FRMPD3: variants seen among roughly 807,000 people sequenced by gnomAD.
FRMPD3 encodes FERM and PDZ domain containing 3, also known as FERM and PDZ domain-containing protein 3.
FRMPD3 carries 42 observed loss-of-function variants against 97.9 expected under a neutral mutation model. The ratio of observed to expected loss-of-function variants is 0.43; its 90% CI spans 0.34 to 0.55. The LOEUF is 0.55. FRMPD3 is among the 20% of genes least tolerant of loss of function. The pLI is 0.03. For synonymous variants in FRMPD3, 577 were observed against 581.1 expected (o/e 0.99, Z 0.10); for missense variants, 1,303 against 1,457.7 (o/e 0.89, Z 1.73).
intron 4 of FRMPD3, among the ~76,000 whole-genome samples, chrX:107,534,415 G>A (rs1923126947): frequency 9.0e-6 from 1 of 110,653 alleles, no homozygotes; most frequent in South Asian, 3.9e-4. Context: ...AGCCACAGGA[G>A]AGATCACATC....
chrX:107,602,483 C>T lies in FRMPD3; in HGVS notation c.4444C>T (p.Leu1482=), dbSNP rs376108129. 5.0e-6 allele frequency: 6 copies of T among 1,211,465 alleles called. No homozygotes were observed. The highest frequency in any genetic ancestry group is 5.6e-6 in the Non-Finnish European group (5 of 895,463). ...GGAGGTGTACCGGAAGCCTGCCGAG[C>T]TAGACGAGGACAGTGAGAGCAGCAA... The part of the protein sequence containing the change: ...PEEVYRKPAE[L]DEDSESSKCC... The change falls in exon 15 of 15, where the codon CTA becomes TTA. Residue 1482 remains leucine, a synonymous_variant. Transcript: ENST00000683843.
At chrX:107,553,157 G>A (rs1921936632) in intron 7 of FRMPD3, among the ~76,000 whole-genome samples, 1 of 110,016 alleles carries the variant, frequency 9.1e-6, no homozygotes, top group African/African-American at 3.3e-5. Context: ...AGAGTATGGG[G>A]TGATTCACCA....
chrX:107,474,862 G>A (rs1464947388), intron 1 of FRMPD3, among the ~76,000 whole-genome samples: 1 of 112,328 alleles, frequency 8.9e-6, no homozygotes, highest in Non-Finnish European at 1.9e-5. Context: ...CTCAAAGGCT[G>A]CAATAGATTA....
rs1188420152 is a variant in FRMPD3, at chrX:107,605,218, A to C, written c.*1845A>C. 1 of 111,132 alleles carries C rather than the reference A, an allele frequency of 9.0e-6. No individual in the cohort carries two copies. Among genetic ancestry groups the C allele is most frequent in the East Asian group, 2.8e-4 (1 of 3,588 alleles). 9.2% of individuals were successfully genotyped at this position (111,132 alleles called of 1,213,427 possible). A position where few individuals can be genotyped will look rare whatever the true frequency, so the allele number is the denominator to read the frequency against. On this transcript the variant is annotated 3_prime_UTR_variant, in exon 15 of 15. Transcript: ENST00000683843. The stretch of plus-strand genomic sequence containing the variant: ...TAATTTATGTCTTGTTTTTCAAACA[A>C]GAATGATTAAATCTATTCATCTTAC...
intron 4 of FRMPD3, chrX:107,544,812 G>A (rs907785590): frequency 3.6e-5 from 4 of 111,523 alleles, no homozygotes; most frequent in African/African-American, 1.3e-4. Context: ...AGCCAGCCAG[G>A]CATGGTGGCC....
chrX:107,589,062 G>A (rs948882628), intron 13 of FRMPD3, among the ~76,000 whole-genome samples: 6 of 110,139 alleles, frequency 5.4e-5, no homozygotes, highest in Admixed American at 9.7e-5. Context: ...CCTATCTTCC[G>A]AAGCCTACTT....
intron 1 of FRMPD3, among the ~76,000 whole-genome samples, chrX:107,470,981 T>G (rs1921041350): frequency 8.9e-6 from 1 of 112,201 alleles, no homozygotes; most frequent in South Asian, 3.7e-4. Context: ...GTGTAGAGTA[T>G]CACCTGCCTT....
At chrX:107,565,295 A>C (rs1190603027) in intron 12 of FRMPD3, among the ~76,000 whole-genome samples, 1 of 112,140 alleles carries the variant, frequency 8.9e-6, no homozygotes, top group Non-Finnish European at 1.9e-5. Flanking sequence ...ATGGAGAGTC[A>C]GATCAGCCTG....
intron 4 of FRMPD3, among the ~76,000 whole-genome samples, chrX:107,541,719 T>G (rs1466547128): frequency 9.0e-6 from 1 of 111,547 alleles, no homozygotes; most frequent in African/African-American, 3.3e-5. Context: ...TTGGGGTTCT[T>G]CATTTGTTTG....
rs745830389 is a variant in FRMPD3 at position 107,530,469 on chromosome X, A to T, written c.209A>T (p.Asp70Val). ...CAGATTGTGGCTATTAATGAGGAAG[A>T]CGTGAGTGAAGCCCCGAGGGAGAGA... ...GDQIVAINEE[D>V]VSEAPRERLI... The change falls in exon 3 of 15, where the codon GAC becomes GTC. Residue 70 changes from aspartate to valine, a missense_variant. Physicochemically the swap from Asp to Val is radical, Grantham distance 152. Transcript: ENST00000683843. The T allele has an allele frequency of 1.6e-5, 19 of 1,195,109 alleles. No homozygotes were observed. The Admixed American group carries it at 3.4e-4, about 21-fold the overall frequency.
In FRMPD3 at chrX:107,480,053, C is replaced by A. The variant is rs578223870; in HGVS notation, c.-8+30048C>A. On this transcript the variant is annotated intron_variant, in intron 1 of 14. Coordinates refer to ENST00000683843, the MANE Select transcript of FRMPD3 (RefSeq NM_001388459.1). ...GTCTCATTTAAAAAAAAAAAAAAAA[C>A]CATGATTATTGTATTGGTCTTAAGG... Among the ~76,000 whole-genome samples the A allele has an allele frequency of 2.6e-4, 27 of 105,532 alleles. 1 individual carries two copies. The South Asian group carries it at 8.0e-3, about 31-fold the overall frequency. 91.6% of individuals were successfully genotyped at this position (105,532 alleles called of 115,157 possible). A position where few individuals can be genotyped will look rare whatever the true frequency, so the allele number is the denominator to read the frequency against.
intron 1 of FRMPD3, among the ~76,000 whole-genome samples, chrX:107,496,976 C>G (rs1193456252): frequency 4.5e-5 from 5 of 112,069 alleles, no homozygotes; most frequent in Non-Finnish European, 9.4e-5. Context: ...AGAGATCAAA[C>G]AAGAATGAGG....
chrX:107,516,310 A>G (rs1001804049), intron 1 of FRMPD3, among the ~76,000 whole-genome samples: 4 of 110,336 alleles, frequency 3.6e-5, no homozygotes, highest in Non-Finnish European at 7.6e-5. Context: ...AGTCTTTGCT[A>G]TTGTGAATAG....
chrX:107,553,984 G>A (rs1475810708), intron 7 of FRMPD3, among the ~76,000 whole-genome samples: 1 of 111,614 alleles, frequency 9.0e-6, no homozygotes, highest in Non-Finnish European at 1.9e-5. Flanking sequence ...TTAAACCTTT[G>A]ATTTACTCTA....
At chrX:107,517,956 C>T (rs1486339769) in intron 1 of FRMPD3, among the ~76,000 whole-genome samples, 1 of 109,553 alleles carries the variant, frequency 9.1e-6, no homozygotes, top group Non-Finnish European at 1.9e-5. Flanking sequence ...CAGCACCCTT[C>T]AGCTACTCCA....
chrX:107,579,056 A>G (rs1408439219), intron 13 of FRMPD3, among the ~76,000 whole-genome samples: 1 of 112,149 alleles, frequency 8.9e-6, no homozygotes, highest in African/African-American at 3.2e-5. Flanking sequence ...TTCATCCCAG[A>G]ACAGAAGCCC....
Position 107,601,958 on chromosome X carries a change from G to T in FRMPD3, c.3919G>T (p.Gly1307Trp), listed in dbSNP as rs767726583. ...CTGTGACTGCAAGCGCATCTGCCGG[G>T]GGGGCCGGCCACAAGCCACCCAGAC... ...RSCDCKRICRGGRPQATQTPV... is the reference protein window; with the variant it reads ...RSCDCKRICRWGRPQATQTPV... The change falls in exon 15 of 15, where the codon GGG becomes TGG. Residue 1307 changes from glycine to tryptophan, a missense_variant. Physicochemically the swap from Gly to Trp is radical, Grantham distance 184. Around this residue, in one of 3 missense-constraint regions of FRMPD3, gnomAD observed 764 missense variants for 820.2 expected, o/e 0.93. Transcript: ENST00000683843. 1.3e-5 allele frequency: 15 copies of T among 1,171,847 alleles called. No individual in the cohort carries two copies. The East Asian group carries it at 3.9e-4, about 30-fold the overall frequency.
At chrX:107,451,406 A>C (rs1424645953) in intron 1 of FRMPD3, among the ~76,000 whole-genome samples, 10 of 111,886 alleles carry the variant, frequency 8.9e-5, no homozygotes. Context: ...GGCGAACTCC[A>C]CCTGGGCCTA....
chrX:107,501,506 C>T (rs62602996), intron 1 of FRMPD3, among the ~76,000 whole-genome samples: 96 of 313 alleles, frequency 0.31, no homozygotes, highest in South Asian at 0.4. Context: ...GTAGCTGGGA[C>T]TACAGGCGCC....
Sources: allele counts gnomAD v4.1 joint callset (sites outside exome capture counted in the v4.1 genomes callset), GRCh38; gene constraint gnomAD v4.1.1; regional missense constraint gnomAD v4.1.1; transcripts MANE v1.5; gene names NCBI Gene and HGNC (gene_info 2026-07-23, HGNC 2026-07-21).